Variants in TTC3 observed in about 807,000 individuals in gnomAD.
TTC3 encodes tetratricopeptide repeat domain 3.
A neutral mutation model predicts 249.6 loss-of-function variants in TTC3; 180 were observed. The ratio of observed to expected loss-of-function variants is 0.72; its 90% CI spans 0.64 to 0.82. TTC3 has a LOEUF of 0.82. Among genes scored for constraint, TTC3 ranks in the 40% least tolerant of loss-of-function variants. The pLI is 0.00. For missense variants in TTC3, 2,061 were observed against 2,398.4 expected, an observed-to-expected ratio of 0.86 and a Z score of 2.94; for synonymous variants, 717 against 805.0, an observed-to-expected ratio of 0.89 and a Z score of 1.85.
intron 45 of TTC3, 127 bp from the exon 46 acceptor site, chr21:37,201,313 G>T: frequency 8.5e-7 from 1 of 1,172,256 alleles, no homozygotes; most frequent in Non-Finnish European, 1.3e-6. Context: ...CCTGAGTATT[G>T]GGCAGCTCCA....
intron 27 of TTC3, among the ~76,000 whole-genome samples, chr21:37,155,100 A>G (rs2079897014): frequency 6.6e-6 from 1 of 152,222 alleles, no homozygotes; most frequent in Non-Finnish European, 1.5e-5. Flanking sequence ...AATGAGTTCA[A>G]GCATGTTAAT....
At chr21:37,161,606 T>A (rs1368248040) in intron 30 of TTC3, among the ~76,000 whole-genome samples, 1 of 152,182 alleles carries the variant, frequency 6.6e-6, no homozygotes, top group Non-Finnish European at 1.5e-5. Context: ...ATGGCTCTTG[T>A]GTGTATGTGG....
In TTC3 at chr21:37,188,659, A is replaced by G. The variant is rs2083594489; in HGVS notation, c.5024+64A>G. On this transcript the variant is annotated intron_variant, in intron 39 of 45. Transcript: ENST00000355666. The stretch of plus-strand genomic sequence containing the variant: ...GAAGATAAAGCTAGGACCATTTGAG[A>G]AAAACATTATTTTGTATTAGGACCA... 9 of 1,272,068 alleles carry G rather than the reference A, an allele frequency of 7.1e-6. No homozygotes were observed. The South Asian group carries it at 1.2e-4, about 16-fold the overall frequency. The allele number at this position is 1,272,068 out of a possible 1,614,324, so 78.8% of individuals were successfully genotyped here.
At chr21:37,183,807 G>A (rs1162440286) in intron 36 of TTC3, among the ~76,000 whole-genome samples, 2 of 152,102 alleles carry the variant, frequency 1.3e-5, no homozygotes, top group East Asian at 3.8e-4. Context: ...AAGCCACTAG[G>A]CCTCCTGAAG....
intron 14 of TTC3, among the ~76,000 whole-genome samples, chr21:37,125,209 T>C (rs1485938747): frequency 2.6e-5 from 4 of 152,224 alleles, no homozygotes; most frequent in African/African-American, 9.6e-5. Context: ...GCAGCCCTTT[T>C]CCAGCCTTCC....
chr21:37,172,686 G>T, exon 35 of TTC3: 1 of 1,614,038 alleles, frequency 6.2e-7, no homozygotes, highest in African/African-American at 1.3e-5. Flanking sequence ...AAACTTAAGG[G>T]CTTAGAAGAG....
At chr21:37,163,175 G>GTGCTA (rs2080931125) in intron 31 of TTC3, among the ~76,000 whole-genome samples, 1 of 152,180 alleles carries the variant, frequency 6.6e-6, no homozygotes, top group Non-Finnish European at 1.5e-5. Flanking sequence ...TAGGAGGTAA[G>GTGCTA]TGCTATTATA....
intron 11 of TTC3, among the ~76,000 whole-genome samples, chr21:37,113,492 C>A (rs2075857378): frequency 6.6e-6 from 1 of 152,130 alleles, no homozygotes; most frequent in South Asian, 2.1e-4. Flanking sequence ...TGTGAAGGAC[C>A]TCTTCAAGGA....
At chr21:37,106,195 A>G (rs2075063714) in intron 10 of TTC3, among the ~76,000 whole-genome samples, 1 of 152,100 alleles carries the variant, frequency 6.6e-6, no homozygotes, top group Admixed American at 6.5e-5. Context: ...AAGGTTATTG[A>G]CCATTTGGAT....
intron 45 of TTC3, among the ~76,000 whole-genome samples, chr21:37,200,882 C>T (rs1010126368): frequency 2.0e-5 from 3 of 152,148 alleles, no homozygotes; most frequent in East Asian, 1.9e-4. Context: ...TCCCTTGGAA[C>T]GGGATAAATA....
chr21:37,131,678 G>A (rs2077480548), intron 16 of TTC3, among the ~76,000 whole-genome samples: 1 of 152,172 alleles, frequency 6.6e-6, no homozygotes, highest in East Asian at 1.9e-4. Context: ...TGAAGTGAGG[G>A]CAGTCTGGTG....
Position 37,129,043 on chromosome 21 carries a change from CAATG to C in TTC3, c.1342_1345del (p.Glu448GlnfsTer10). 1.3e-6 allele frequency: 2 copies of C among 1,592,768 alleles called. No individual in the cohort carries two copies. The highest frequency in any genetic ancestry group is 1.7e-6 in the Non-Finnish European group (2 of 1,170,590). On this transcript the variant is annotated frameshift_variant, in exon 16 of 46. Coordinates refer to ENST00000355666, the Ensembl canonical transcript of TTC3. LOFTEE classifies it high-confidence loss of function. The stretch of plus-strand genomic sequence containing the variant: ...ATAAAGGAAAACAAAAATCTCGAAA[CAATG>C]AATCAGAAAAGTTCAGGTATGTTTT...
intron 1 of TTC3, among the ~76,000 whole-genome samples, chr21:37,075,784 G>A (rs1274214262): frequency 6.6e-6 from 1 of 152,164 alleles, no homozygotes; most frequent in Admixed American, 6.5e-5. Context: ...CCTAATGTAT[G>A]TCAGATCCTA....
At chr21:37,151,276 A>T (rs565630346) in intron 25 of TTC3, among the ~76,000 whole-genome samples, 1 of 152,192 alleles carries the variant, frequency 6.6e-6, no homozygotes, top group Admixed American at 6.5e-5. Flanking sequence ...TGAACCTATG[A>T]CTATTTTTTA....
At chr21:37,196,188 G>T (rs918463928) in intron 42 of TTC3, 152 bp downstream of exon 42, 12 of 953,702 alleles carry the variant, frequency 1.3e-5, no homozygotes, top group African/African-American at 5.2e-5. Flanking sequence ...CTTTCTTTTT[G>T]TAAATATAGA....
At chr21:37,138,299 A>G (rs756340170) in intron 18 of TTC3, among the ~76,000 whole-genome samples, 1 of 152,202 alleles carries the variant, frequency 6.6e-6, no homozygotes, top group African/African-American at 2.4e-5. Context: ...AGGTATGCCT[A>G]TAATAGCTAA....
intron 28 of TTC3, chr21:37,157,187 T>C: frequency 7.3e-7 from 1 of 1,361,290 alleles, no homozygotes; most frequent in Non-Finnish European, 9.7e-7. Context: ...ATGGGAAAGA[T>C]TGCATGTTAC....
At chr21:37,075,394 C>T (rs1402275330) in intron 1 of TTC3, among the ~76,000 whole-genome samples, 4 of 152,162 alleles carry the variant, frequency 2.6e-5, no homozygotes, top group African/African-American at 4.8e-5. Context: ...TGCTTGTGCA[C>T]ACATTTGGAA....
intron 23 of TTC3, among the ~76,000 whole-genome samples, chr21:37,148,937 C>T (rs1470890292): frequency 2.2e-5 from 3 of 137,118 alleles, no homozygotes; most frequent in Non-Finnish European, 3.2e-5. Flanking sequence ...AGTGATCCTA[C>T]TTCAGCCTCC....
Sources: gnomAD v4.1 joint callset for allele counts (sites outside exome capture counted in the v4.1 genomes callset) on GRCh38, gnomAD v4.1.1 for gene constraint, MANE v1.5 for transcripts, NCBI Gene and HGNC (gene_info 2026-07-23, HGNC 2026-07-21) for gene names.